The following CR1 variants were observed in gnomAD, a reference collection of about 807,000 sequenced individuals.
CR1 encodes complement receptor type 1.
In CR1, 116 loss-of-function variants were observed where a neutral mutation model predicts 187.3. The ratio of observed to expected loss-of-function variants is 0.62; its 90% CI spans 0.53 to 0.72. CR1 has a LOEUF of 0.72. Ranked by LOEUF, CR1 falls within the 30% of genes least tolerant of loss-of-function variation. The pLI, the probability that CR1 is intolerant of heterozygous loss-of-function variation, is 0.00. For missense variants in CR1, 1,731 were observed against 2,110.7 expected (o/e 0.82, Z 3.52); for synonymous variants, 576 against 747.1 (o/e 0.77, Z 3.73).
intron 28 of CR1, 87 bp from the exon 29 acceptor site, chr1:207,577,718 A>G (rs1440677110): frequency 1.3e-6 from 2 of 1,569,894 alleles, no homozygotes; most frequent in African/African-American, 1.4e-5. Flanking sequence ...GCAGTTAGCC[A>G]TGATTGTGCC....
intron 4 of CR1, among the ~76,000 whole-genome samples, chr1:207,521,162 A>G (rs1037924081): frequency 5.3e-5 from 8 of 151,764 alleles, no homozygotes; most frequent in African/African-American, 1.9e-4. Flanking sequence ...CTTTTAGTAG[A>G]GATGGGTTTT....
intron 5 of CR1, among the ~76,000 whole-genome samples, chr1:207,525,615 T>C (rs1472497349): frequency 1.3e-5 from 2 of 151,954 alleles, no homozygotes; most frequent in African/African-American, 4.8e-5. Context: ...TTTAATTTGG[T>C]ATATATGCCT....
At chr1:207,572,929 T>C (rs1249121513) in intron 27 of CR1, among the ~76,000 whole-genome samples, 1 of 151,764 alleles carries the variant, frequency 6.6e-6, no homozygotes, top group Non-Finnish European at 1.5e-5. Context: ...TGTGCATGTC[T>C]GTTTCCAAAG....
At chr1:207,517,162 C>T (rs1210631742) in intron 4 of CR1, among the ~76,000 whole-genome samples, 1 of 151,974 alleles carries the variant, frequency 6.6e-6, no homozygotes, top group Non-Finnish European at 1.5e-5. Context: ...TTCTTTTTCA[C>T]TCTGTTAATG....
At chr1:207,566,562 C>A (rs1660504311) in intron 24 of CR1, among the ~76,000 whole-genome samples, 1 of 150,128 alleles carries the variant, frequency 6.7e-6, no homozygotes, top group Non-Finnish European at 1.5e-5. Context: ...TGCTATGAGA[C>A]AATAGAGCAA....
chr1:207,577,701 A>G (rs930413537), intron 28 of CR1, 104 bp from the exon 29 acceptor site: 23 of 1,531,568 alleles, frequency 1.5e-5, no homozygotes, highest in African/African-American at 2.7e-5. Context: ...CCTGGGAAGT[A>G]GAGGTTGCAG....
chr1:207,624,250 G>GA lies in CR1; in HGVS notation c.7352+1190dup, dbSNP rs911210153. On this transcript the variant is annotated intron_variant, in intron 45 of 46. Transcript: ENST00000367049. ...CATCATTAATTTTTTAAATTTGAAA[G>GA]AAAAAAAACTTGCAAAGACTAAGAT... Among the ~76,000 whole-genome samples the GA allele has an allele frequency of 1.5e-4, 22 of 151,672 alleles. 2 individuals are homozygous for GA. Among genetic ancestry groups the GA allele is most frequent in the African/African-American group, 4.8e-4 (20 of 41,376 alleles).
chr1:207,627,664 T>C (rs1252148393), intron 45 of CR1, among the ~76,000 whole-genome samples: 2 of 152,208 alleles, frequency 1.3e-5, no homozygotes, highest in Non-Finnish European at 2.9e-5. Context: ...TAGTCCCAGC[T>C]ATCTGGGAGG....
At chr1:207,556,653 A>ATATGTG (rs1429532808) in intron 19 of CR1, among the ~76,000 whole-genome samples, 1 of 64,602 alleles carries the variant, frequency 1.5e-5, no homozygotes, top group African/African-American at 4.6e-5. Context: ...TATATCATAT[A>ATATGTG]TATATATATA....
chr1:207,621,863 T>A, intron 43 of CR1, 110 bp from the exon 44 acceptor site: 1 of 782,958 alleles, frequency 1.3e-6, no homozygotes, highest in Non-Finnish European at 2.0e-6. Flanking sequence ...AGAAAAAATA[T>A]TAGACTGAGT....
chr1:207,524,304 C>T (rs964920126), intron 5 of CR1, among the ~76,000 whole-genome samples: 4 of 152,070 alleles, frequency 2.6e-5, no homozygotes, highest in East Asian at 3.9e-4. Flanking sequence ...TTCCTCTGGC[C>T]GGGCACTATA....
rs1240170700 is a variant in CR1, at chr1:207,619,758, T to A, written c.7067-122T>A. On this transcript the variant is annotated intron_variant, in intron 42 of 46. Coordinates refer to ENST00000367049, the MANE Select transcript of CR1 (RefSeq NM_000651.6). ...GGAGGAGGAAGATTAGTAACATGTT[T>A]AAAAACATGCTTCCTCTTAGCCAAG... The A allele has an allele frequency of 4.0e-6, 3 of 750,454 alleles. No homozygotes were observed. The African/African-American group carries it at 5.3e-5, about 13-fold the overall frequency. 46.5% of individuals were successfully genotyped at this position (750,454 alleles called of 1,614,324 possible). A position where few individuals can be genotyped will look rare whatever the true frequency, so the allele number is the denominator to read the frequency against.
chr1:207,524,587 C>A (rs1446720907), intron 5 of CR1, among the ~76,000 whole-genome samples: 1 of 151,932 alleles, frequency 6.6e-6, no homozygotes, highest in South Asian at 2.1e-4. Flanking sequence ...AGAGTCTCAC[C>A]ATGTTGCCCA....
Position 207,609,370 on chromosome 1 carries a change from G to C in CR1, c.5977G>C (p.Val1993Leu). The change falls in exon 37 of 47, where the codon GTG (valine) becomes CTG (leucine). Residue 1993 changes from valine to leucine, a missense_variant. Physicochemically the swap from Val to Leu is conservative, Grantham distance 32. Coordinates refer to ENST00000367049, the MANE Select transcript of CR1 (RefSeq NM_000651.6). ...TAGAACATCTTTTCACAATGGAACGGTGGTAACTTACCAGTGCCACACTGG... is the reference window on the plus strand; with the variant it reads ...TAGAACATCTTTTCACAATGGAACGCTGGTAACTTACCAGTGCCACACTGG... The part of the protein sequence containing the change: ...NNRTSFHNGT[V>L]VTYQCHTGPD... 6.2e-7 allele frequency: 1 copy of C among 1,613,964 alleles called. No homozygotes were observed. The highest frequency in any genetic ancestry group is 8.5e-7 in the Non-Finnish European group (1 of 1,179,868).
chr1:207,619,293 G>A (rs2102399940), intron 42 of CR1, among the ~76,000 whole-genome samples: 1 of 143,110 alleles, frequency 7.0e-6, no homozygotes, highest in Admixed American at 7.2e-5. Flanking sequence ...TGAAGCAGGA[G>A]AATTGCTTGA....
intron 35 of CR1, among the ~76,000 whole-genome samples, chr1:207,592,166 C>A (rs1281041281): frequency 2.0e-5 from 3 of 152,168 alleles, no homozygotes; most frequent in Admixed American, 2.0e-4. Flanking sequence ...GGCCAATATC[C>A]CTGATGAACA....
chr1:207,564,377 T>G, intron 23 of CR1, 143 bp downstream of exon 23: 1 of 894,328 alleles, frequency 1.1e-6, no homozygotes, highest in Non-Finnish European at 1.7e-6. Flanking sequence ...AAAGTATACC[T>G]AGGAAGAAAG....
At chr1:207,519,520 T>A (rs1659908974) in intron 4 of CR1, among the ~76,000 whole-genome samples, 1 of 152,228 alleles carries the variant, frequency 6.6e-6, no homozygotes, top group African/African-American at 2.4e-5. Flanking sequence ...TACTATAGTC[T>A]GCTAAAATTG....
intron 1 of CR1, among the ~76,000 whole-genome samples, chr1:207,497,795 C>CAA (rs149480065): frequency 2.0e-5 from 3 of 148,742 alleles, no homozygotes; most frequent in African/African-American, 7.4e-5. Flanking sequence ...CTATTAATTG[C>CAA]AAAAAAAAAA....
Sources: allele counts gnomAD v4.1 joint callset (sites outside exome capture counted in the v4.1 genomes callset), GRCh38; gene constraint gnomAD v4.1.1; transcripts MANE v1.5; gene names NCBI Gene and HGNC (gene_info 2026-07-23, HGNC 2026-07-21).